The following NFIX variants were observed in gnomAD, a reference collection of about 807,000 sequenced individuals.
The protein encoded by NFIX is nuclear factor I X.
Under a neutral mutation model 53.3 loss-of-function variants are expected in NFIX, and 2 were observed. That is an observed-to-expected ratio of 0.04 (90% CI 0.02 to 0.12). NFIX has a LOEUF of 0.12. Ranked by LOEUF, NFIX falls within the 10% of genes least tolerant of loss-of-function variation. NFIX has a pLI of 1.00. For synonymous variants in NFIX, 244 were observed against 289.0 expected (o/e 0.84, Z 1.58); for missense variants, 310 against 674.5 (o/e 0.46, Z 5.99).
intron 1 of NFIX, among the ~76,000 whole-genome samples, chr19:13,016,200 G>A (rs185122677): frequency 6.6e-6 from 1 of 152,228 alleles, no homozygotes; most frequent in Admixed American, 6.5e-5. Flanking sequence ...AAAAACCTGT[G>A]CATTACAAAA....
rs1265328494 is a variant in NFIX at position 13,072,692 on chromosome 19, C to G, written c.560-355C>G. 6.6e-6 allele frequency among the ~76,000 whole-genome samples: 1 copy of G among 152,180 alleles called. No homozygotes were observed. Among genetic ancestry groups the G allele is most frequent in the African/African-American group, 2.4e-5 (1 of 41,432 alleles). ...CCCTTAAGGGCACAGTGGACAATGT[C>G]TTGGGACAGTTTGGGTTGTCACAAC... On this transcript the variant is annotated intron_variant, in intron 2 of 10. Transcript: ENST00000592199. The surrounding 1 kb of genome is among the most constrained non-coding windows in gnomAD (Gnocchi z 4.0).
intron 2 of NFIX, among the ~76,000 whole-genome samples, chr19:13,042,355 CTT>C (rs35785662): frequency 1.5e-4 from 15 of 100,572 alleles, no homozygotes; most frequent in Middle Eastern, 9.3e-3. Context: ...CTTTTACATG[CTT>C]TTTTTTTTTT....
chr19:12,997,043 C>T (rs918072053), intron 1 of NFIX, among the ~76,000 whole-genome samples: 1 of 152,250 alleles, frequency 6.6e-6, no homozygotes, highest in African/African-American at 2.4e-5. Flanking sequence ...GCCAGCCAGG[C>T]CTGCATGTGG....
intron 1 of NFIX, among the ~76,000 whole-genome samples, chr19:13,004,903 G>GC (rs2011934549): frequency 6.6e-6 from 1 of 151,524 alleles, no homozygotes; most frequent in Non-Finnish European, 1.5e-5. Flanking sequence ...TGCAACCTTG[G>GC]CCTCCCAGGC....
At chr19:13,016,607 G>A (rs981389709) in intron 1 of NFIX, among the ~76,000 whole-genome samples, 1 of 138,196 alleles carries the variant, frequency 7.2e-6, no homozygotes, top group Admixed American at 7.6e-5. Context: ...TTTCTGCACT[G>A]TTAAAACAAT....
At chr19:13,059,916 T>C (rs1212964304) in intron 2 of NFIX, among the ~76,000 whole-genome samples, 1 of 151,720 alleles carries the variant, frequency 6.6e-6, no homozygotes, top group Admixed American at 6.6e-5. Flanking sequence ...CCCAAGTAGC[T>C]GGGACTAGAG....
chr19:13,055,871 C>T (rs1473618440), intron 2 of NFIX, among the ~76,000 whole-genome samples: 3 of 152,274 alleles, frequency 2.0e-5, no homozygotes, highest in Non-Finnish European at 2.9e-5. Flanking sequence ...TCTCACCTCG[C>T]GCCTCCCTGG....
Position 13,073,347 on chromosome 19 carries a change from T to C in NFIX, c.623-75T>C. ...GACTTGGGAGGGAGAAGCAACAGTG[T>C]GGAAGACCTTTGGAAATAGCCAGGC... On this transcript the variant is annotated intron_variant, in intron 3 of 10. Coordinates refer to ENST00000592199, the MANE Select transcript of NFIX (RefSeq NM_001365902.3). This position sits in a 1 kb window ranked among gnomAD's most constrained non-coding sequence, Gnocchi z 4.5. 7.7e-7 allele frequency: 1 copy of C among 1,292,998 alleles called. No homozygotes were observed. The highest frequency in any genetic ancestry group is 1.1e-6 in the Non-Finnish European group (1 of 887,222). The allele number at this position is 1,292,998 out of a possible 1,614,324, so 80.1% of individuals were successfully genotyped here. A position where few individuals can be genotyped will look rare whatever the true frequency, so the allele number is the denominator to read the frequency against.
rs997940432 is a variant in NFIX at position 13,021,322 on chromosome 19, G to A, written c.28-3699G>A. ...CGTTTCTTTCAGGGATCAGCCATGA[G>A]CTCAGTTCACTTGAGATGGATAATT... On this transcript the variant is annotated intron_variant, in intron 1 of 10. Coordinates refer to ENST00000592199, the MANE Select transcript of NFIX (RefSeq NM_001365902.3). This position sits in a 1 kb window ranked among gnomAD's most constrained non-coding sequence, Gnocchi z 4.2. Among the ~76,000 whole-genome samples, 9 of 152,174 alleles carry A rather than the reference G, an allele frequency of 5.9e-5. No homozygotes were observed. Among genetic ancestry groups the A allele is most frequent in the Non-Finnish European group, 1.2e-4 (8 of 68,022 alleles).
chr19:13,087,870 A>G, intron 8 of NFIX, 119 bp from the exon 9 acceptor site: 1 of 1,202,176 alleles, frequency 8.3e-7, no homozygotes, highest in Non-Finnish European at 1.2e-6. Flanking sequence ...AGAGGACCCA[A>G]TCCTGGATCT....
At position 13,078,510 on chromosome 19, in the gene NFIX, G is replaced by A. The variant is rs2017251196; in HGVS notation, c.956-103G>A. On this transcript the variant is annotated intron_variant, in intron 6 of 10. Coordinates refer to ENST00000592199, the MANE Select transcript of NFIX (RefSeq NM_001365902.3). The surrounding 1 kb of genome is among the most constrained non-coding windows in gnomAD (Gnocchi z 4.7). The stretch of plus-strand genomic sequence containing the variant: ...AGCACAGTGGAGGAAGGGGCAGTGG[G>A]GAGGGGCTGAGGAGAGAAGGAGCGA... 5 of 1,386,576 alleles carry A rather than the reference G, an allele frequency of 3.6e-6. No individual in the cohort carries two copies. In the East Asian group the frequency reaches 7.5e-5, roughly 21 times the overall value. The allele number at this position is 1,386,576 out of a possible 1,614,324, so 85.9% of individuals were successfully genotyped here. A position where few individuals can be genotyped will look rare whatever the true frequency, so the allele number is the denominator to read the frequency against.
At chr19:13,061,595 G>A (rs1025613485) in intron 2 of NFIX, among the ~76,000 whole-genome samples, 3 of 152,168 alleles carry the variant, frequency 2.0e-5, no homozygotes, top group African/African-American at 4.8e-5. Flanking sequence ...GAACCGCGTC[G>A]CTTCCTGAGC....
At chr19:13,000,920 C>T (rs1053279242) in intron 1 of NFIX, among the ~76,000 whole-genome samples, 2 of 152,248 alleles carry the variant, frequency 1.3e-5, no homozygotes, top group Admixed American at 6.5e-5. Context: ...TGTTGACTGC[C>T]GTCCTCCCCA....
chr19:13,031,008 G>A (rs1404283263), intron 2 of NFIX, among the ~76,000 whole-genome samples: 1 of 152,230 alleles, frequency 6.6e-6, no homozygotes. Context: ...GGGTCTGGGT[G>A]ATGTGGAATA....
intron 2 of NFIX, among the ~76,000 whole-genome samples, chr19:13,042,931 G>A (rs1162110648): frequency 1.3e-5 from 2 of 152,108 alleles, no homozygotes; most frequent in Admixed American, 1.3e-4. Flanking sequence ...CTGGAAACTT[G>A]ACACCCTCAG....
rs574099397 is a variant in NFIX at position 13,011,374 on chromosome 19, C to A, written c.28-13647C>A. 6.6e-6 allele frequency among the ~76,000 whole-genome samples: 1 copy of A among 152,366 alleles called. No homozygotes were observed. Among genetic ancestry groups the A allele is most frequent in the African/African-American group, 2.4e-5 (1 of 41,584 alleles). On this transcript the variant is annotated intron_variant, in intron 1 of 10. Transcript: ENST00000592199. This position sits in a 1 kb window ranked among gnomAD's most constrained non-coding sequence, Gnocchi z 6.5. ...CCATTTAATGCCCCCCACCACCCCA[C>A]CTCGGGAGAAATTTCCACTTGCCCC...
rs2011673972 is a variant in NFIX at position 13,001,216 on chromosome 19, A to T, written c.27+5352A>T. Among the ~76,000 whole-genome samples the T allele has an allele frequency of 6.6e-6, 1 of 152,166 alleles. No individual in the cohort carries two copies. The highest frequency in any genetic ancestry group is 2.1e-4 in the South Asian group (1 of 4,824). On this transcript the variant is annotated intron_variant, in intron 1 of 10. Coordinates refer to ENST00000592199, the MANE Select transcript of NFIX (RefSeq NM_001365902.3). This position sits in a 1 kb window ranked among gnomAD's most constrained non-coding sequence, Gnocchi z 6.5. ...TCTGGGTTCTCCCAGATCGGTGTGCATGTTAATCGGCATGTCAGGCCTCAG... is the reference window on the plus strand; with the variant it reads ...TCTGGGTTCTCCCAGATCGGTGTGCTTGTTAATCGGCATGTCAGGCCTCAG...
chr19:13,043,233 A>G lies in NFIX; in HGVS notation c.559+17681A>G, dbSNP rs1359387808. Among the ~76,000 whole-genome samples, 1 of 152,132 alleles carries G rather than the reference A, an allele frequency of 6.6e-6. No homozygotes were observed. The highest frequency in any genetic ancestry group is 2.4e-5 in the African/African-American group (1 of 41,416). ...CTCACACCCTCCAATCCATGTTTTT[A>G]TGAATCTGAGGTGCCCCCTTCCAGG... On this transcript the variant is annotated intron_variant, in intron 2 of 10. Transcript: ENST00000592199. The surrounding 1 kb of genome is among the most constrained non-coding windows in gnomAD (Gnocchi z 4.0).
intron 2 of NFIX, among the ~76,000 whole-genome samples, chr19:13,047,969 G>A (rs931067): frequency 0.29 from 43,767 of 152,074 alleles, 7,157 homozygotes; most frequent in East Asian, 0.6. Flanking sequence ...TCTGCTTCTC[G>A]ACCTGTGTTT....
Sources: gnomAD v4.1 joint callset for allele counts (sites outside exome capture counted in the v4.1 genomes callset) on GRCh38, gnomAD v4.1.1 for gene constraint, Gnocchi (gnomAD v3.1) non-coding constraint, MANE v1.5 for transcripts, NCBI Gene and HGNC (gene_info 2026-07-23, HGNC 2026-07-21) for gene names.